The following ZNF473 variants were observed in gnomAD, a reference collection of about 807,000 sequenced individuals.
ZNF473 encodes the protein zinc finger protein 473.
A neutral mutation model predicts 11.1 loss-of-function variants in ZNF473; 4 were observed. That is an observed-to-expected ratio of 0.36 (90% CI 0.18 to 0.82). The LOEUF (loss-of-function observed/expected upper bound fraction) is 0.82, where lower values mean the gene tolerates loss of function less well. Among genes scored for constraint, ZNF473 ranks in the 40% least tolerant of loss-of-function variants. The pLI is 0.49. For missense variants in ZNF473, 854 were observed against 1,084.0 expected, an observed-to-expected ratio of 0.79 and a Z score of 2.98; for synonymous variants, 404 against 390.4, an observed-to-expected ratio of 1.03 and a Z score of -0.41.
chr19:50,047,347 G>A lies in ZNF473; in HGVS notation c.*288G>A, dbSNP rs1229572034. On this transcript the variant is annotated 3_prime_UTR_variant, in exon 5 of 5. Transcript: ENST00000270617. ...GGTCAGAAAAATCTCTCAGGGCCTC[G>A]GTGTCCTTATCTGTAAAATGGGCAT... 5 of 348,930 alleles carry A rather than the reference G, an allele frequency of 1.4e-5. No homozygotes were observed. Among genetic ancestry groups the A allele is most frequent in the Admixed American group, 8.4e-5 (2 of 23,696 alleles). The allele number at this position is 348,930 out of a possible 1,614,324, so 21.6% of individuals were successfully genotyped here.
chr19:50,046,702 T>C lies in ZNF473; in HGVS notation c.2259T>C (p.Thr753=). The change falls in exon 5 of 5, where the codon ACT becomes ACC. Residue 753 remains threonine, a synonymous_variant. Coordinates refer to ENST00000270617, the MANE Select transcript of ZNF473 (RefSeq NM_015428.4). The surrounding 1 kb of genome is among the most constrained non-coding windows in gnomAD (Gnocchi z 5.9). ...AELVRHQRIH[T]GEKPYVCQEC... is the part of the protein sequence containing the mutation. ...TTGTCCGCCACCAGAGAATTCACAC[T>C]GGAGAAAAGCCTTATGTTTGTCAGG... The C allele has an allele frequency of 6.2e-7, 1 of 1,614,102 alleles. No homozygotes were observed. The highest frequency in any genetic ancestry group is 8.5e-7 in the Non-Finnish European group (1 of 1,180,002).
rs751104320 is a variant in ZNF473, at chr19:50,045,093, G to C, written c.650G>C (p.Ser217Thr). The C allele has an allele frequency of 6.2e-5, 100 of 1,614,190 alleles. No individual in the cohort carries two copies. Among genetic ancestry groups the C allele is most frequent in the Non-Finnish European group, 8.3e-5 (98 of 1,180,018 alleles). ...TATCAATGTAGTGAATGTGGGAAAA[G>C]CTTCAGTGGGAGTTACCGTCTTACC... is the stretch of plus-strand genomic sequence containing the variant. ...KPYQCSECGK[S>T]FSGSYRLTQH... Residue 217 changes from serine (S) to threonine (T), a missense_variant, in exon 5 of 5, where the codon AGC (serine) becomes ACC (threonine). Physicochemically the swap from Ser to Thr is moderately conservative, Grantham distance 58 (BLOSUM62 1). Coordinates refer to ENST00000270617, the MANE Select transcript of ZNF473 (RefSeq NM_015428.4).
At chr19:50,037,083 A>G (rs561787562) in intron 2 of ZNF473, among the ~76,000 whole-genome samples, 27 of 152,316 alleles carry the variant, frequency 1.8e-4, no homozygotes, top group Non-Finnish European at 2.8e-4. Flanking sequence ...CTGTTGGCCA[A>G]AGAAGGGCTT....
intron 1 of ZNF473, among the ~76,000 whole-genome samples, chr19:50,026,821 A>G (rs1165951205): frequency 6.6e-6 from 1 of 152,134 alleles, no homozygotes; most frequent in Non-Finnish European, 1.5e-5. Flanking sequence ...GAAAACTGCT[A>G]AAGGGGTTTC....
In ZNF473 at chr19:50,047,019, G is replaced by A. The variant is rs780376785; in HGVS notation, c.2576G>A (p.Arg859His). The A allele has an allele frequency of 1.2e-5, 20 of 1,613,700 alleles. No individual in the cohort carries two copies. Among genetic ancestry groups the A allele is most frequent in the Non-Finnish European group, 1.7e-5 (20 of 1,179,988 alleles). ...TTTCGGTGCCACTCGAGCCTCAGCCGCCATCAGCGTGTACACAACAAGCAG... is the reference window on the plus strand; with the variant it reads ...TTTCGGTGCCACTCGAGCCTCAGCCACCATCAGCGTGTACACAACAAGCAG... ...KAFRCHSSLSRHQRVHNKQQY... is the reference protein window; with the variant it reads ...KAFRCHSSLSHHQRVHNKQQY... The change falls in exon 5 of 5, where the codon CGC (arginine) becomes CAC (histidine). Residue 859 changes from arginine to histidine, a missense_variant. Physicochemically the swap from Arg to His is conservative, Grantham distance 29. Around this residue, in one of 2 missense-constraint regions of ZNF473, gnomAD observed 186 missense variants for 293.8 expected, o/e 0.63. Coordinates refer to ENST00000270617, the MANE Select transcript of ZNF473 (RefSeq NM_015428.4).
Position 50,045,413 on chromosome 19 carries a change from G to C in ZNF473, c.970G>C (p.Glu324Gln). ...AGATAGTAAGTCCTACAACTGTAAC[G>C]AATGCGGCAAGGCTTTTACCCGGAT... ...HTDSKSYNCN[E>Q]CGKAFTRIFH... The change falls in exon 5 of 5, where the codon GAA becomes CAA. Residue 324 changes from glutamate (E) to glutamine (Q), a missense_variant. Glu to Gln is a conservative substitution (Grantham distance 29). Around this residue, in one of 2 missense-constraint regions of ZNF473, gnomAD observed 668 missense variants for 790.2 expected, o/e 0.85. Transcript: ENST00000270617. The C allele has an allele frequency of 6.2e-7, 1 of 1,614,138 alleles. No homozygotes were observed. The highest frequency in any genetic ancestry group is 1.3e-5 in the African/African-American group (1 of 75,030).
intron 2 of ZNF473, among the ~76,000 whole-genome samples, chr19:50,037,286 CAA>C (rs1255983490): frequency 6.6e-6 from 1 of 152,078 alleles, no homozygotes; most frequent in Non-Finnish European, 1.5e-5. Context: ...ATTGGGGTCA[CAA>C]GAGACATGCA....
intron 2 of ZNF473, among the ~76,000 whole-genome samples, chr19:50,034,938 C>T (rs184449230): frequency 6.6e-6 from 1 of 152,262 alleles, no homozygotes; most frequent in Admixed American, 6.5e-5. Flanking sequence ...CCTGTTCATT[C>T]ATCAGGGCTT....
chr19:50,026,584 C>T (rs952082418), intron 1 of ZNF473, among the ~76,000 whole-genome samples: 11 of 150,504 alleles, frequency 7.3e-5, no homozygotes, highest in Admixed American at 6.0e-4. Context: ...GGAAGAAAAC[C>T]ACCTTGGGAG....
In ZNF473 at chr19:50,045,403, C is replaced by T; in HGVS notation, c.960C>T (p.Tyr320=). The part of the protein sequence containing the change: ...HQKTHTDSKS[Y]NCNECGKAFT... ...AAACTCACACAGATAGTAAGTCCTA[C>T]AACTGTAACGAATGCGGCAAGGCTT... Residue 320 remains tyrosine (Y), a synonymous_variant, in exon 5 of 5, where the codon TAC becomes TAT. Coordinates refer to ENST00000270617, the MANE Select transcript of ZNF473 (RefSeq NM_015428.4). 1.9e-6 allele frequency: 3 copies of T among 1,614,188 alleles called. No individual in the cohort carries two copies. Among genetic ancestry groups the T allele is most frequent in the East Asian group, 2.2e-5 (1 of 44,888 alleles).
In ZNF473 at chr19:50,039,223, G is replaced by T. The variant is rs1417327823; in HGVS notation, c.72G>T (p.Gly24=). 6.2e-7 allele frequency: 1 copy of T among 1,614,192 alleles called. No individual in the cohort carries two copies. Among genetic ancestry groups the T allele is most frequent in the Non-Finnish European group, 8.5e-7 (1 of 1,180,014 alleles). Residue 24 remains glycine (G), a synonymous_variant, in exon 3 of 5, where the codon GGG becomes GGT. Transcript: ENST00000270617. The surrounding 1 kb of genome is among the most constrained non-coding windows in gnomAD (Gnocchi z 4.8). ...DFTLGDWEQL[G]LEQGDTFWDT... ...CCTTGGGAGACTGGGAGCAGCTCGG[G>T]CTGGAACAGGGGGACACGTTCTGGG...
chr19:50,043,448 A>ATAT (rs1555735329), intron 4 of ZNF473: 13 of 107,908 alleles, frequency 1.2e-4, no homozygotes, highest in African/African-American at 1.6e-4. Flanking sequence ...AAAAAAAAAA[A>ATAT]ATATATATAT....
chr19:50,036,763 A>G (rs1245860828), intron 2 of ZNF473, among the ~76,000 whole-genome samples: 1 of 152,102 alleles, frequency 6.6e-6, no homozygotes, highest in East Asian at 1.9e-4. Flanking sequence ...TTCCCTCACC[A>G]TGTTATGCGT....
chr19:50,039,391 A>C lies in ZNF473; in HGVS notation c.136+104A>C. The C allele has an allele frequency of 6.8e-7, 1 of 1,469,580 alleles. No homozygotes were observed. The highest frequency in any genetic ancestry group is 2.3e-5 in the East Asian group (1 of 42,742). 91.0% of individuals were successfully genotyped at this position (1,469,580 alleles called of 1,614,324 possible). On this transcript the variant is annotated intron_variant, in intron 3 of 4. Transcript: ENST00000270617. This position sits in a 1 kb window ranked among gnomAD's most constrained non-coding sequence, Gnocchi z 4.8. ...AAGTCCTGGCTCCTGGGCTCCTCAG[A>C]ATCAGCATGACCTAGCCCAGCAGTT...
intron 1 of ZNF473, among the ~76,000 whole-genome samples, chr19:50,027,017 G>A (rs1387722900): frequency 6.6e-6 from 1 of 152,120 alleles, no homozygotes; most frequent in Non-Finnish European, 1.5e-5. Context: ...TGTGTGCCAG[G>A]CGCCCTGCTG....
intron 4 of ZNF473, chr19:50,042,395 G>C (rs1355897969): frequency 6.6e-6 from 1 of 152,242 alleles, no homozygotes; most frequent in Non-Finnish European, 1.5e-5. Flanking sequence ...ATGAGAAGCA[G>C]GGCCCTGAAC....
rs768943280 is a variant in ZNF473 at position 50,047,032 on chromosome 19, A to G, written c.2589A>G (p.Val863=). Residue 863 remains valine (V), a synonymous_variant, in exon 5 of 5, where the codon GTA becomes GTG. Transcript: ENST00000270617. The part of the protein sequence containing the change: ...CHSSLSRHQR[V]HNKQQYCL ...CGAGCCTCAGCCGCCATCAGCGTGT[A>G]CACAACAAGCAGCAATACTGCCTGT... 1.3e-4 allele frequency: 209 copies of G among 1,613,394 alleles called. No homozygotes were observed. Among genetic ancestry groups the G allele is most frequent in the Non-Finnish European group, 1.7e-4 (202 of 1,179,808 alleles).
intron 1 of ZNF473, among the ~76,000 whole-genome samples, chr19:50,029,227 C>A (rs1210293043): frequency 6.6e-6 from 1 of 152,210 alleles, no homozygotes; most frequent in Non-Finnish European, 1.5e-5. Context: ...ACTGCAAGCT[C>A]CACCTCCCGG....
chr19:50,039,065 G>A lies in ZNF473; in HGVS notation c.10-96G>A. The A allele has an allele frequency of 6.6e-7, 1 of 1,522,030 alleles. No homozygotes were observed. The highest frequency in any genetic ancestry group is 9.0e-7 in the Non-Finnish European group (1 of 1,114,682). The allele number at this position is 1,522,030 out of a possible 1,614,324, so 94.3% of individuals were successfully genotyped here. A position where few individuals can be genotyped will look rare whatever the true frequency, so the allele number is the denominator to read the frequency against. ...TGAGGATGGGATGGTTTTTGCCAAA[G>A]CCCTGGCAGATTGAGGGCTGGGAGT... On this transcript the variant is annotated intron_variant, in intron 2 of 4. Transcript: ENST00000270617. The surrounding 1 kb of genome is among the most constrained non-coding windows in gnomAD (Gnocchi z 4.8).
Sources: allele counts gnomAD v4.1 joint callset (sites outside exome capture counted in the v4.1 genomes callset), GRCh38; gene constraint gnomAD v4.1.1; regional missense constraint gnomAD v4.1.1; non-coding constraint Gnocchi (gnomAD v3.1); transcripts MANE v1.5; gene names NCBI Gene and HGNC (gene_info 2026-07-23, HGNC 2026-07-21).